SYNE2: variants seen among roughly 807,000 people sequenced by gnomAD.
The protein encoded by SYNE2 is nesprin-2.
SYNE2 carries 431 observed loss-of-function variants against 856.3 expected under a neutral mutation model. The observed-to-expected ratio is 0.50, with a 90% CI of 0.47 to 0.55. The LOEUF (loss-of-function observed/expected upper bound fraction) is 0.55. SYNE2 is among the 20% of genes least tolerant of loss of function. The probability of loss-of-function intolerance (pLI) is 0.00; values close to 1 mark genes in which losing one functional copy is unlikely to be tolerated. For synonymous variants in SYNE2, 2,923 were observed against 2,872.3 expected, an observed-to-expected ratio of 1.02 and a Z score of -0.56; for missense variants, 8,129 against 8,023.2, an observed-to-expected ratio of 1.01 and a Z score of -0.50.
At chr14:64,005,225 C>T (rs1291936326) in intron 30 of SYNE2, among the ~76,000 whole-genome samples, 1 of 152,206 alleles carries the variant, frequency 6.6e-6, no homozygotes, top group Non-Finnish European at 1.5e-5. Context: ...TCTTGGTTTT[C>T]ATCATAACCT....
rs537610399 is a variant in SYNE2, at chr14:64,037,480, A to G, written c.7221+6123A>G. Reference sequence around the variant, plus strand: ...CACAGATCTACAGGATCCCAAGGCAAAAGAATTTTTCTTAGTACAGAACAA... The same window carrying G: ...CACAGATCTACAGGATCCCAAGGCAGAAGAATTTTTCTTAGTACAGAACAA... On this transcript the variant is annotated intron_variant, in intron 45 of 115. Coordinates refer to ENST00000555002, the MANE Select transcript of SYNE2 (RefSeq NM_182914.3). Among the ~76,000 whole-genome samples the G allele has an allele frequency of 9.8e-5, 15 of 152,328 alleles. No homozygotes were observed. The South Asian group carries it at 1.9e-3, about 19-fold the overall frequency.
At chr14:64,188,205 C>T (rs992724098) in intron 97 of SYNE2, among the ~76,000 whole-genome samples, 1 of 152,060 alleles carries the variant, frequency 6.6e-6, no homozygotes, top group Non-Finnish European at 1.5e-5. Context: ...GGATTTGATT[C>T]GTTGTTATAA....
At position 63,954,740 on chromosome 14, in the gene SYNE2, C is replaced by T. The variant is rs1393221265; in HGVS notation, c.612C>T (p.Thr204=). The T allele has an allele frequency of 9.3e-6, 15 of 1,613,668 alleles. No individual in the cohort carries two copies. Among genetic ancestry groups the T allele is most frequent in the Admixed American group, 1.7e-5 (1 of 59,956 alleles). Residue 204 remains threonine (T), a synonymous_variant, in exon 8 of 116, where the codon ACC becomes ACT. Coordinates refer to ENST00000555002, the MANE Select transcript of SYNE2 (RefSeq NM_182914.3). ...ATAGCTATGAGTCTGTCAATGTGAC[C>T]GATTTTAAGTCAAGTTGGAGAAATG... The part of the protein sequence containing the change: ...QCATYESVNV[T]DFKSSWRNGM...
rs536831229 is a variant in SYNE2 at position 64,130,665 on chromosome 14, A to G, written c.14340+417A>G. ...TTTGGGAGGCTGAGGCGGGTGGATC[A>G]CCTGAGGTCAGGAGTTCGAGACCAG... On this transcript the variant is annotated intron_variant, in intron 76 of 115. Transcript: ENST00000555002. Among the ~76,000 whole-genome samples the G allele has an allele frequency of 4.6e-5, 7 of 152,186 alleles. No individual in the cohort carries two copies. The South Asian group carries it at 1.5e-3, about 32-fold the overall frequency.
At chr14:63,784,410 T>C (rs1887436618) in intron 1 of SYNE2, among the ~76,000 whole-genome samples, 1 of 151,932 alleles carries the variant, frequency 6.6e-6, no homozygotes, top group African/African-American at 2.4e-5. Flanking sequence ...GGCAGGAAAA[T>C]CTCTTGAACC....
chr14:64,196,184 G>A (rs981229099), intron 99 of SYNE2, among the ~76,000 whole-genome samples: 5 of 152,186 alleles, frequency 3.3e-5, no homozygotes, highest in South Asian at 4.1e-4. Context: ...GGTATAGCAC[G>A]TGTTTGCTAC....
intron 76 of SYNE2, among the ~76,000 whole-genome samples, chr14:64,132,002 C>T (rs1419644759): frequency 1.3e-5 from 2 of 151,802 alleles, no homozygotes; most frequent in East Asian, 3.9e-4. Flanking sequence ...GGCACAATCT[C>T]GGCTCACTGC....
In SYNE2 at chr14:64,056,198, A is replaced by T. The variant is rs2097267152; in HGVS notation, c.9999A>T (p.Leu3333Phe). ...PEAKLQLQYT[L>F]QELVSKNSAM... ...CCAAACTACAACTTCAGTATACTTT[A>T]CAGGAACTAGTTTCTAAGAACTCAG... The change falls in exon 49 of 116, where the codon TTA (leucine) becomes TTT (phenylalanine). Residue 3333 changes from leucine to phenylalanine, a missense_variant. This residue lies in a region of SYNE2 where 5,410 missense variants were observed against 5,284.8 expected (regional missense o/e 1.02). Transcript: ENST00000555002. 6.2e-7 allele frequency: 1 copy of T among 1,614,096 alleles called. No homozygotes were observed. Among genetic ancestry groups the T allele is most frequent in the East Asian group, 2.2e-5 (1 of 44,890 alleles).
At chr14:64,000,944 T>G (rs1471615818) in intron 28 of SYNE2, among the ~76,000 whole-genome samples, 1 of 152,176 alleles carries the variant, frequency 6.6e-6, no homozygotes, top group African/African-American at 2.4e-5. Flanking sequence ...GCTAGAAACT[T>G]AGTAGAACTT....
At chr14:64,075,867 T>G in intron 53 of SYNE2, 78 bp from the exon 54 acceptor site, 1 of 1,513,022 alleles carries the variant, frequency 6.6e-7, no homozygotes, top group Admixed American at 1.7e-5. Flanking sequence ...AAGGATGTGC[T>G]GGAAGGCTGC....
intron 65 of SYNE2, among the ~76,000 whole-genome samples, chr14:64,110,959 C>T (rs1415394710): frequency 6.6e-6 from 1 of 152,046 alleles, no homozygotes; most frequent in African/African-American, 2.4e-5. Context: ...GGATTCTTTT[C>T]AGGTTCAAAT....
chr14:63,792,327 T>C (rs1337281222), intron 1 of SYNE2, among the ~76,000 whole-genome samples: 1 of 152,150 alleles, frequency 6.6e-6, no homozygotes, highest in Non-Finnish European at 1.5e-5. Context: ...GGTGGATCAC[T>C]TGGGGTCAGG....
At chr14:63,980,177 T>A (rs1440611415) in intron 14 of SYNE2, among the ~76,000 whole-genome samples, 1 of 152,206 alleles carries the variant, frequency 6.6e-6, no homozygotes, top group Non-Finnish European at 1.5e-5. Context: ...ATTAGCTTAG[T>A]ATTTTTTCCA....
chr14:63,860,649 T>C (rs898977492), intron 1 of SYNE2, among the ~76,000 whole-genome samples: 2 of 152,244 alleles, frequency 1.3e-5, no homozygotes, highest in African/African-American at 4.8e-5. Context: ...TAGTCTTCCT[T>C]TGGGTACTAC....
intron 64 of SYNE2, among the ~76,000 whole-genome samples, chr14:64,103,378 A>T (rs947781790): frequency 3.9e-4 from 59 of 151,174 alleles, no homozygotes; most frequent in African/African-American, 1.4e-3. Context: ...TTGTGGAACA[A>T]AGTAGTATGT....
intron 61 of SYNE2, 135 bp downstream of exon 61, chr14:64,093,615 G>T: frequency 1.1e-6 from 1 of 913,596 alleles, no homozygotes; most frequent in Admixed American, 1.9e-5. Flanking sequence ...ACAATTGAAG[G>T]TATTTCTGTG....
chr14:64,224,362 C>CAA lies in SYNE2; in HGVS notation c.20383-93_20383-92dup, dbSNP rs200623970. 8.4e-6 allele frequency: 10 copies of CAA among 1,190,158 alleles called. No individual in the cohort carries two copies. In the South Asian group the frequency reaches 9.6e-5, roughly 11 times the overall value. 73.7% of individuals were successfully genotyped at this position (1,190,158 alleles called of 1,614,324 possible). On this transcript the variant is annotated intron_variant, in intron 113 of 115. Transcript: ENST00000555002. ...TGAGACTGTCTAAAACAAAACAAAACAAAAAAAGATTGATTTAAGGTAGGG... is the reference window on the plus strand; with the variant it reads ...TGAGACTGTCTAAAACAAAACAAAACAAAAAAAAAGATTGATTTAAGGTAGGG...
At chr14:64,154,480 G>A (rs79230875) in intron 85 of SYNE2, among the ~76,000 whole-genome samples, 5,407 of 152,002 alleles carry the variant, frequency 0.036, 133 homozygotes, top group Non-Finnish European at 0.04. Context: ...ATAATAAAAG[G>A]AAAAATGACC....
intron 1 of SYNE2, among the ~76,000 whole-genome samples, chr14:63,783,990 A>G (rs1417260010): frequency 3.9e-5 from 6 of 152,220 alleles, no homozygotes; most frequent in African/African-American, 1.4e-4. Flanking sequence ...ATCAAGGGGT[A>G]AAGAACACAG....
Sources: allele counts gnomAD v4.1 joint callset (sites outside exome capture counted in the v4.1 genomes callset), GRCh38; gene constraint gnomAD v4.1.1; regional missense constraint gnomAD v4.1.1; transcripts MANE v1.5; gene names NCBI Gene and HGNC (gene_info 2026-07-23, HGNC 2026-07-21).